The following DYNC1I1 variants were observed in gnomAD, a reference collection of about 807,000 sequenced individuals.
DYNC1I1 encodes cytoplasmic dynein 1 intermediate chain 1.
DYNC1I1 carries 43 observed loss-of-function variants against 86.6 expected under a neutral mutation model. That is an observed-to-expected ratio of 0.50 (90% CI 0.39 to 0.64). DYNC1I1 has a LOEUF of 0.64. Ranked by LOEUF, DYNC1I1 falls within the 30% of genes least tolerant of loss-of-function variation. DYNC1I1 has a pLI of 0.00. For missense variants in DYNC1I1, 604 were observed against 788.8 expected (o/e 0.77, Z 2.81); for synonymous variants, 262 against 283.7 (o/e 0.92, Z 0.77).
intron 1 of DYNC1I1, among the ~76,000 whole-genome samples, chr7:95,785,775 G>GTATATATATATATA (rs200152096): frequency 8.0e-6 from 1 of 124,898 alleles, no homozygotes; most frequent in Non-Finnish European, 1.7e-5. Flanking sequence ...GTGTGTATGT[G>GTATATATATATATA]TATATATATA....
chr7:95,912,456 T>C (rs1164956148), intron 6 of DYNC1I1, among the ~76,000 whole-genome samples: 1 of 152,212 alleles, frequency 6.6e-6, no homozygotes, highest in Non-Finnish European at 1.5e-5. Flanking sequence ...GTTTAATCTC[T>C]CTTGTTCAGG....
At chr7:95,876,497 T>A (rs920759144) in intron 6 of DYNC1I1, among the ~76,000 whole-genome samples, 2 of 152,066 alleles carry the variant, frequency 1.3e-5, no homozygotes, top group Admixed American at 6.6e-5. Context: ...CCTTAGCTGT[T>A]TTATTTTCAT....
At chr7:96,083,327 AC>A (rs1790577840) in intron 16 of DYNC1I1, among the ~76,000 whole-genome samples, 1 of 152,108 alleles carries the variant, frequency 6.6e-6, no homozygotes, top group Non-Finnish European at 1.5e-5. Context: ...TAGAAGGGGA[AC>A]TTTTGTGTTT....
At chr7:95,940,044 C>T (rs1792160972) in intron 6 of DYNC1I1, among the ~76,000 whole-genome samples, 1 of 152,056 alleles carries the variant, frequency 6.6e-6, no homozygotes, top group Non-Finnish European at 1.5e-5. Context: ...TTTTATTTCT[C>T]CTTCATTTAT....
intron 14 of DYNC1I1, among the ~76,000 whole-genome samples, chr7:96,042,500 C>T (rs1050863477): frequency 3.9e-5 from 6 of 152,076 alleles, no homozygotes; most frequent in South Asian, 2.1e-4. Context: ...TGATTCTAAG[C>T]GCGGAGCAGG....
intron 6 of DYNC1I1, among the ~76,000 whole-genome samples, chr7:95,955,491 T>G (rs752370880): frequency 5.3e-5 from 8 of 152,230 alleles, no homozygotes; most frequent in Non-Finnish European, 8.8e-5. Context: ...TTTTAATTTA[T>G]TTTATTTATT....
At chr7:95,869,447 ATG>A (rs1339573013) in intron 5 of DYNC1I1, among the ~76,000 whole-genome samples, 1 of 151,922 alleles carries the variant, frequency 6.6e-6, no homozygotes, top group Non-Finnish European at 1.5e-5. Context: ...ATGATAGAGA[ATG>A]TGTTACACCA....
At chr7:95,907,418 G>A (rs1384546201) in intron 6 of DYNC1I1, among the ~76,000 whole-genome samples, 2 of 152,134 alleles carry the variant, frequency 1.3e-5, no homozygotes, top group African/African-American at 4.8e-5. Context: ...GGCACTTAAA[G>A]CTGTGTACAG....
At chr7:95,932,672 T>G (rs978654588) in intron 6 of DYNC1I1, among the ~76,000 whole-genome samples, 5 of 152,164 alleles carry the variant, frequency 3.3e-5, no homozygotes, top group Non-Finnish European at 7.3e-5. Context: ...CATTTTTAGA[T>G]GAGGACACCA....
chr7:95,868,730 T>C (rs1271905454), intron 5 of DYNC1I1, among the ~76,000 whole-genome samples: 2 of 152,208 alleles, frequency 1.3e-5, no homozygotes, highest in African/African-American at 4.8e-5. Flanking sequence ...ATAATATATA[T>C]GTGGCATATG....
At position 95,984,818 on chromosome 7, in the gene DYNC1I1, C is replaced by T. The variant is rs761715318; in HGVS notation, c.584C>T (p.Pro195Leu). 2 of 1,602,938 alleles carry T rather than the reference C, an allele frequency of 1.2e-6. No homozygotes were observed. Among genetic ancestry groups the T allele is most frequent in the Middle Eastern group, 1.7e-4 (1 of 6,028 alleles). ...ACAAAAAAATAAATAAATAAAGCCC[C>T]TCCAAGAGAGTTGACAGAGGAAGAA... The part of the protein sequence containing the change: ...QDKKQEVKEA[P>L]PRELTEEEKQ... Residue 195 changes from proline to leucine, a missense_variant, in exon 8 of 17, where the codon CCT (proline) becomes CTT (leucine). Physicochemically the swap from Pro to Leu is moderately conservative, Grantham distance 98. Coordinates refer to ENST00000447467, the MANE Select transcript of DYNC1I1 (RefSeq NM_001135556.2).
At position 96,008,058 on chromosome 7, in the gene DYNC1I1, C is replaced by T. The variant is rs142119045; in HGVS notation, c.969+11985C>T. On this transcript the variant is annotated intron_variant, in intron 10 of 16. Coordinates refer to ENST00000447467, the MANE Select transcript of DYNC1I1 (RefSeq NM_001135556.2). The stretch of plus-strand genomic sequence containing the variant: ...GCTCTGCTCTTGAAGGCTGATCTGA[C>T]GAGGGTGGGATCACAGGCAGCAGGT... Among the ~76,000 whole-genome samples, 295 of 152,246 alleles carry T rather than the reference C, an allele frequency of 1.9e-3. 3 individuals carry two copies. Among genetic ancestry groups the T allele is most frequent in the South Asian group, 2.1e-4 (1 of 4,828 alleles).
At chr7:95,910,519 T>C in intron 6 of DYNC1I1, among the ~76,000 whole-genome samples, 1 of 152,154 alleles carries the variant, frequency 6.6e-6, no homozygotes, top group Admixed American at 6.5e-5. Context: ...GATTAAGGTT[T>C]AGAGAGGCTG....
chr7:96,014,669 T>C (rs913887769), intron 10 of DYNC1I1, among the ~76,000 whole-genome samples: 8 of 152,170 alleles, frequency 5.3e-5, no homozygotes, highest in African/African-American at 1.9e-4. Flanking sequence ...AGTTTTGGAA[T>C]GTTCTGACAG....
At chr7:95,894,672 A>T (rs752559165) in intron 6 of DYNC1I1, among the ~76,000 whole-genome samples, 8 of 152,190 alleles carry the variant, frequency 5.3e-5, no homozygotes, top group Non-Finnish European at 1.2e-4. Context: ...GAACCATTAC[A>T]ATCAACACAT....
At chr7:95,806,422 C>A (rs1005915180) in intron 2 of DYNC1I1, among the ~76,000 whole-genome samples, 2 of 152,164 alleles carry the variant, frequency 1.3e-5, no homozygotes, top group Non-Finnish European at 2.9e-5. Context: ...ATTCTACAAC[C>A]AAGCACTTTT....
intron 6 of DYNC1I1, among the ~76,000 whole-genome samples, chr7:95,899,359 C>T (rs1339889660): frequency 1.3e-5 from 2 of 152,188 alleles, no homozygotes; most frequent in Non-Finnish European, 2.9e-5. Flanking sequence ...CACAAACAAA[C>T]TGGTGCCGGG....
chr7:95,961,018 T>C (rs971498240), intron 6 of DYNC1I1, among the ~76,000 whole-genome samples: 1 of 152,186 alleles, frequency 6.6e-6, no homozygotes, highest in African/African-American at 2.4e-5. Flanking sequence ...TTTAATAACT[T>C]TGTATAATCT....
In DYNC1I1 at chr7:95,960,182, C is replaced by G. The variant is rs148472911; in HGVS notation, c.491-17330C>G. 8.5e-5 allele frequency among the ~76,000 whole-genome samples: 13 copies of G among 152,332 alleles called. No homozygotes were observed. In the East Asian group the frequency reaches 1.9e-3, roughly 23 times the overall value. On this transcript the variant is annotated intron_variant, in intron 6 of 16. Coordinates refer to ENST00000447467, the MANE Select transcript of DYNC1I1 (RefSeq NM_001135556.2). ...AGTGCAGTGGTGCTATTTCAGCTCA[C>G]TGCAACCTCCGCCTCCTGGGTTTAA...
Sources: allele counts gnomAD v4.1 joint callset (sites outside exome capture counted in the v4.1 genomes callset), GRCh38; gene constraint gnomAD v4.1.1; transcripts MANE v1.5; gene names NCBI Gene and HGNC (gene_info 2026-07-23, HGNC 2026-07-21).